The following CTNNA2 variants were observed in gnomAD, a reference collection of about 807,000 sequenced individuals.
The protein encoded by CTNNA2 is catenin alpha 2.
A neutral mutation model predicts 101.0 loss-of-function variants in CTNNA2; 42 were observed. The ratio of observed to expected loss-of-function variants is 0.42; its 90% CI spans 0.32 to 0.54. CTNNA2 has a LOEUF of 0.54. Ranked by LOEUF, CTNNA2 falls within the 20% of genes least tolerant of loss-of-function variation. CTNNA2 has a pLI of 0.14. For missense variants in CTNNA2, 871 were observed against 1,223.1 expected (o/e 0.71, Z 4.29); for synonymous variants, 450 against 456.4 (o/e 0.99, Z 0.18).
At chr2:79,552,651 G>A (rs1022647944) in intron 1 of CTNNA2, among the ~76,000 whole-genome samples, 2 of 152,176 alleles carry the variant, frequency 1.3e-5, no homozygotes, top group African/African-American at 4.8e-5. Context: ...AGGCTCCCAA[G>A]CCTCAACTCT....
intron 4 of CTNNA2, among the ~76,000 whole-genome samples, chr2:79,452,963 C>T (rs980440504): frequency 6.6e-6 from 1 of 152,048 alleles, no homozygotes; most frequent in East Asian, 1.9e-4. Flanking sequence ...AAATGCCTAC[C>T]ATCCTCTGCC....
chr2:79,852,011 T>A (rs948821455), intron 3 of CTNNA2, among the ~76,000 whole-genome samples: 1 of 152,140 alleles, frequency 6.6e-6, no homozygotes, highest in African/African-American at 2.4e-5. Context: ...GTGCTGGGAT[T>A]ACAGGTGTGA....
At chr2:79,500,911 G>A (rs558874418) in intron 4 of CTNNA2, 1 of 152,282 alleles carries the variant, frequency 6.6e-6, no homozygotes, top group African/African-American at 2.4e-5. Context: ...GTTCTTCTGG[G>A]CTCTGATTAC....
chr2:79,451,048 G>A (rs972717703), intron 4 of CTNNA2, among the ~76,000 whole-genome samples: 5 of 152,058 alleles, frequency 3.3e-5, no homozygotes, highest in Non-Finnish European at 7.4e-5. Context: ...GGATGTGGGA[G>A]GAAACCGGAG....
At chr2:80,272,984 C>A (rs1055816075) in intron 7 of CTNNA2, among the ~76,000 whole-genome samples, 1 of 151,998 alleles carries the variant, frequency 6.6e-6, no homozygotes, top group Non-Finnish European at 1.5e-5. Flanking sequence ...TTTGGGCGTG[C>A]GTGAAAGGTG....
chr2:79,989,488 A>G (rs1692017412), intron 7 of CTNNA2, among the ~76,000 whole-genome samples: 1 of 152,078 alleles, frequency 6.6e-6, no homozygotes, highest in Admixed American at 6.6e-5. Context: ...CAAAAAAATT[A>G]TCTGGACATG....
intron 2 of CTNNA2, among the ~76,000 whole-genome samples, chr2:79,254,086 A>G (rs796314766): frequency 3.3e-5 from 5 of 151,340 alleles, no homozygotes; most frequent in African/African-American, 1.2e-4. Flanking sequence ...CTGGATAACC[A>G]CTTGTTGCAA....
intron 2 of CTNNA2, among the ~76,000 whole-genome samples, chr2:79,220,764 G>A (rs562957989): frequency 3.0e-4 from 45 of 152,204 alleles, no homozygotes; most frequent in African/African-American, 9.6e-4. Context: ...TTATATTCTA[G>A]CATGACCTTA....
At chr2:79,709,312 T>A (rs1310823901) in intron 2 of CTNNA2, among the ~76,000 whole-genome samples, 1 of 151,986 alleles carries the variant, frequency 6.6e-6, no homozygotes, top group African/African-American at 2.4e-5. Flanking sequence ...AAAATTACTA[T>A]GAAAAGAGAC....
At chr2:80,048,455 G>T (rs1304153096) in intron 7 of CTNNA2, among the ~76,000 whole-genome samples, 1 of 151,490 alleles carries the variant, frequency 6.6e-6, no homozygotes, top group Non-Finnish European at 1.5e-5. Flanking sequence ...AGAGAAACGT[G>T]ATTTTTGCTT....
intron 3 of CTNNA2, among the ~76,000 whole-genome samples, chr2:79,791,529 T>A (rs1244748167): frequency 1.3e-5 from 2 of 152,244 alleles, no homozygotes; most frequent in Non-Finnish European, 2.9e-5. Flanking sequence ...ATTAAGCCTC[T>A]GTGCATAGTT....
At chr2:79,215,606 T>C (rs561202646) in intron 2 of CTNNA2, among the ~76,000 whole-genome samples, 1 of 152,314 alleles carries the variant, frequency 6.6e-6, no homozygotes, top group Non-Finnish European at 1.5e-5. Context: ...GTAAAGTGTC[T>C]CAGGGTTGCT....
intron 7 of CTNNA2, among the ~76,000 whole-genome samples, chr2:80,286,492 G>T (rs919600769): frequency 1.3e-5 from 2 of 152,178 alleles, no homozygotes; most frequent in African/African-American, 4.8e-5. Context: ...GATTGTCCTG[G>T]TGATGAAGTA....
chr2:79,907,340 C>T (rs940920835), intron 6 of CTNNA2, among the ~76,000 whole-genome samples: 8 of 147,700 alleles, frequency 5.4e-5, no homozygotes, highest in African/African-American at 2.1e-4. Context: ...TATACACACA[C>T]ACACACACAC....
chr2:80,330,347 G>A (rs1278268483), intron 7 of CTNNA2, among the ~76,000 whole-genome samples: 2 of 152,210 alleles, frequency 1.3e-5, no homozygotes, highest in East Asian at 3.8e-4. Context: ...CAGAGGCCAT[G>A]CCCACAGATA....
chr2:80,530,517 C>T (rs1651556250), intron 9 of CTNNA2, among the ~76,000 whole-genome samples: 1 of 152,136 alleles, frequency 6.6e-6, no homozygotes, highest in Admixed American at 6.5e-5. Context: ...GTGGGGAGAC[C>T]TTCCTGATGG....
At position 80,387,841 on chromosome 2, in the gene CTNNA2, A is replaced by G. The variant is rs1677155036; in HGVS notation, c.1057-5370A>G. Among the ~76,000 whole-genome samples the G allele has an allele frequency of 2.0e-5, 3 of 152,226 alleles. No individual in the cohort carries two copies. In the South Asian group the frequency reaches 6.2e-4, roughly 32 times the overall value. ...TAGTTCTCAAAGACTAAAACAAATAAAGTTTAATAAACATGCATCTCCCTA... is the reference window on the plus strand; with the variant it reads ...TAGTTCTCAAAGACTAAAACAAATAGAGTTTAATAAACATGCATCTCCCTA... On this transcript the variant is annotated intron_variant, in intron 7 of 18. Coordinates refer to ENST00000402739, the MANE Select transcript of CTNNA2 (RefSeq NM_001282597.3).
chr2:79,970,946 A>G (rs1690436821), intron 7 of CTNNA2, among the ~76,000 whole-genome samples: 1 of 152,158 alleles, frequency 6.6e-6, no homozygotes. Flanking sequence ...CTGTGGAACT[A>G]CTTGGCCTTA....
intron 7 of CTNNA2, among the ~76,000 whole-genome samples, chr2:80,275,716 G>GAC (rs1673849678): frequency 2.0e-5 from 3 of 151,092 alleles, no homozygotes; most frequent in African/African-American, 7.3e-5. Context: ...GAGAGAGAAA[G>GAC]AGAGAGAGAG....
Sources: allele counts gnomAD v4.1 joint callset (sites outside exome capture counted in the v4.1 genomes callset), GRCh38; gene constraint gnomAD v4.1.1; transcripts MANE v1.5; gene names NCBI Gene and HGNC (gene_info 2026-07-23, HGNC 2026-07-21).